The following ABHD5 variants were observed in gnomAD, a reference collection of about 807,000 sequenced individuals.
ABHD5 encodes the protein abhydrolase domain containing 5, lysophosphatidic acid acyltransferase.
Under a neutral mutation model 44.9 loss-of-function variants are expected in ABHD5, and 30 were observed. The observed-to-expected ratio is 0.67, with a 90% confidence interval of 0.50 to 0.91. ABHD5 has a LOEUF of 0.91. Ranked by LOEUF, ABHD5 falls within the 40% of genes least tolerant of loss-of-function variation. The pLI is 0.00. For missense variants in ABHD5, 399 were observed against 423.4 expected, an observed-to-expected ratio of 0.94 and a Z score of 0.50; for synonymous variants, 167 against 147.0, an observed-to-expected ratio of 1.14 and a Z score of -0.99.
At chr3:43,713,685 C>T (rs549086690) in intron 4 of ABHD5, among the ~76,000 whole-genome samples, 1 of 152,310 alleles carries the variant, frequency 6.6e-6, no homozygotes, top group East Asian at 1.9e-4. Context: ...TACTTAAGAG[C>T]TTCATTTAGT....
chr3:43,705,479 C>T (rs1575602378), intron 3 of ABHD5, among the ~76,000 whole-genome samples: 5 of 152,324 alleles, frequency 3.3e-5, no homozygotes, highest in Admixed American at 3.3e-4. Flanking sequence ...ATATACATAA[C>T]ATACATGAAT....
chr3:43,693,409 A>G (rs2084427245), intron 1 of ABHD5, among the ~76,000 whole-genome samples: 1 of 152,212 alleles, frequency 6.6e-6, no homozygotes, highest in South Asian at 2.1e-4. Context: ...CTGGGTTTAC[A>G]TTAGACTGTG....
In ABHD5 at chr3:43,728,807, G is replaced by T. The variant is rs889408056; in HGVS notation, c.*30-5073G>T. On this transcript the variant is annotated intron_variant, in intron 7 of 7. Transcript: ENST00000454293. The stretch of plus-strand genomic sequence containing the variant: ...AGAAAGAACAAGGCCTGAGCGCCTA[G>T]AGTGGACACCAGTGAGCCTTACACG... Among the ~76,000 whole-genome samples the T allele has an allele frequency of 6.6e-5, 10 of 152,328 alleles. No homozygotes were observed. The East Asian group carries it at 9.6e-4, about 15-fold the overall frequency.
chr3:43,727,154 C>T (rs1291887752), downstream of ABHD5, among the ~76,000 whole-genome samples: 2 of 152,152 alleles, frequency 1.3e-5, no homozygotes, highest in African/African-American at 2.4e-5. Context: ...TGGTTTTCTA[C>T]CACAGCTCTC....
Position 43,702,196 on chromosome 3 carries a change from T to C in ABHD5, c.134-19T>C. On this transcript the variant is annotated intron_variant, in intron 2 of 6. Transcript: ENST00000644371. ...AAGTAATAAAATGAAACAGAATTTCTCTTTTATGTTTTCATTAGGTGTGCC... is the reference window on the plus strand; with the variant it reads ...AAGTAATAAAATGAAACAGAATTTCCCTTTTATGTTTTCATTAGGTGTGCC... The C allele has an allele frequency of 6.4e-7, 1 of 1,569,630 alleles. No homozygotes were observed. The highest frequency in any genetic ancestry group is 1.9e-5 in the Admixed American group (1 of 53,424).
At chr3:43,725,771 A>T (rs996077800), downstream of ABHD5, among the ~76,000 whole-genome samples, 7 of 152,240 alleles carry the variant, frequency 4.6e-5, no homozygotes, top group Non-Finnish European at 1.0e-4. Context: ...CCTTCAAAGA[A>T]ATAGAAATAT....
At chr3:43,701,354 T>A (rs2084539868) in intron 2 of ABHD5, among the ~76,000 whole-genome samples, 1 of 152,230 alleles carries the variant, frequency 6.6e-6, no homozygotes, top group African/African-American at 2.4e-5. Flanking sequence ...ATGATATTAT[T>A]TCTTTGGTTA....
intron 1 of ABHD5, among the ~76,000 whole-genome samples, chr3:43,695,637 A>C (rs1436782739): frequency 6.6e-6 from 1 of 152,240 alleles, no homozygotes; most frequent in Non-Finnish European, 1.5e-5. Flanking sequence ...TAGATTGTGC[A>C]ATTCAGGTTT....
At chr3:43,709,566 T>C (rs2084662626) in intron 3 of ABHD5, among the ~76,000 whole-genome samples, 1 of 152,198 alleles carries the variant, frequency 6.6e-6, no homozygotes, top group African/African-American at 2.4e-5. Flanking sequence ...TTGTTTAGGG[T>C]AGGGTATGTT....
At chr3:43,706,284 T>C (rs576673800) in intron 3 of ABHD5, among the ~76,000 whole-genome samples, 2 of 152,322 alleles carry the variant, frequency 1.3e-5, no homozygotes, top group African/African-American at 4.8e-5. Context: ...AGCATTTTTA[T>C]TATGCTGTCA....
At chr3:43,733,061 C>T (rs1180666898) in intron 7 of ABHD5, among the ~76,000 whole-genome samples, 1 of 152,200 alleles carries the variant, frequency 6.6e-6, no homozygotes, top group East Asian at 1.9e-4. Flanking sequence ...AACAAGACAG[C>T]AGTTACAACC....
intron 3 of ABHD5, among the ~76,000 whole-genome samples, chr3:43,703,226 C>G (rs1433380274): frequency 6.6e-6 from 1 of 151,072 alleles, no homozygotes; most frequent in African/African-American, 2.4e-5. Flanking sequence ...GTCACCCAGG[C>G]TGGAGTGCAG....
chr3:43,729,567 ATT>A (rs2084900222), intron 7 of ABHD5, among the ~76,000 whole-genome samples: 2 of 152,246 alleles, frequency 1.3e-5, no homozygotes, highest in South Asian at 4.1e-4. Flanking sequence ...AGTTCTTTGT[ATT>A]TCTTTCTTCA....
At chr3:43,699,540 G>T in intron 2 of ABHD5, 179 bp downstream of exon 2, 1 of 643,456 alleles carries the variant, frequency 1.6e-6, no homozygotes, top group Non-Finnish European at 2.7e-6. Flanking sequence ...GCAGGTAGGA[G>T]TTCTAAAACT....
downstream of ABHD5, among the ~76,000 whole-genome samples, chr3:43,727,631 C>G (rs1023892133): frequency 6.6e-6 from 1 of 152,132 alleles, no homozygotes. Context: ...TGTTTTGAGG[C>G]AGAGTTTCGC....
At chr3:43,725,275 C>CCT (rs1335220246), downstream of ABHD5, among the ~76,000 whole-genome samples, 1 of 152,154 alleles carries the variant, frequency 6.6e-6, no homozygotes, top group East Asian at 1.9e-4. Context: ...TTAAGCTCTG[C>CCT]CTCTCTCTTG....
Position 43,702,678 on chromosome 3 carries a change from C to G in ABHD5, c.506+91C>G, listed in dbSNP as rs1354617093. On this transcript the variant is annotated intron_variant, in intron 3 of 6. Coordinates refer to ENST00000644371, the MANE Select transcript of ABHD5 (RefSeq NM_016006.6). The stretch of plus-strand genomic sequence containing the variant: ...TCTTTGGTGGTTGTTAGTGTCTGAG[C>G]CACAAGGCAGACATTCTCTTAAAGG... 3 of 1,584,316 alleles carry G rather than the reference C, an allele frequency of 1.9e-6. No homozygotes were observed. The East Asian group carries it at 6.7e-5, about 35-fold the overall frequency.
chr3:43,725,246 C>A (rs963670312), downstream of ABHD5, among the ~76,000 whole-genome samples: 1 of 152,186 alleles, frequency 6.6e-6, no homozygotes, highest in Non-Finnish European at 1.5e-5. Flanking sequence ...ATATCTACTT[C>A]TCTATATCTC....
chr3:43,691,796 A>G (rs1185480482), intron 1 of ABHD5, among the ~76,000 whole-genome samples: 4 of 152,134 alleles, frequency 2.6e-5, no homozygotes, highest in Non-Finnish European at 5.9e-5. Flanking sequence ...TGCAAGCTCC[A>G]CTGTCCCTTA....
Sources: allele counts gnomAD v4.1 joint callset (sites outside exome capture counted in the v4.1 genomes callset), GRCh38; gene constraint gnomAD v4.1.1; transcripts MANE v1.5; gene names NCBI Gene and HGNC (gene_info 2026-07-23, HGNC 2026-07-21).